CLEC19A: variants seen among roughly 807,000 people sequenced by gnomAD.
CLEC19A encodes the protein C-type lectin domain family 19 member A.
In CLEC19A, 21 loss-of-function variants were observed where a neutral mutation model predicts 26.1. The observed-to-expected ratio is 0.80, with a 90% CI of 0.57 to 1.16. CLEC19A has a LOEUF of 1.16. Among genes scored for constraint, CLEC19A ranks in the 50% most tolerant of loss-of-function variants. The pLI is 0.00. For synonymous variants in CLEC19A, 89 were observed against 88.6 expected (o/e 1.00, Z -0.03); for missense variants, 224 against 227.6 (o/e 0.98, Z 0.10).
intron 1 of CLEC19A, among the ~76,000 whole-genome samples, chr16:19,298,449 C>T (rs1055932124): frequency 1.3e-5 from 2 of 151,982 alleles, no homozygotes; most frequent in African/African-American, 4.8e-5. Context: ...CACCTGTGGT[C>T]CCAGCTACTC....
At chr16:19,304,991 TACCCCTGA>T (rs1268707983) in intron 3 of CLEC19A, 1 of 152,326 alleles carries the variant, frequency 6.6e-6, no homozygotes, top group East Asian at 1.9e-4. Context: ...CCAGCACCAT[TACCCCTGA>T]CATGCTGAGT....
intron 4 of CLEC19A, among the ~76,000 whole-genome samples, chr16:19,308,564 C>G (rs1203301699): frequency 6.6e-6 from 1 of 152,188 alleles, no homozygotes; most frequent in African/African-American, 2.4e-5. Flanking sequence ...ATGAGGAAAA[C>G]GAGGCTCAGA....
chr16:19,302,652 C>A (rs1009307256), intron 2 of CLEC19A, among the ~76,000 whole-genome samples: 1 of 152,172 alleles, frequency 6.6e-6, no homozygotes, highest in African/African-American at 2.4e-5. Context: ...TCAGTGGGAT[C>A]TGTCATCTGG....
chr16:19,301,743 T>TTTTG (rs1897832512), intron 2 of CLEC19A, among the ~76,000 whole-genome samples: 2 of 114,596 alleles, frequency 1.7e-5, no homozygotes, highest in African/African-American at 4.0e-5. Flanking sequence ...TTGGTTTTTT[T>TTTTG]TTTTTTTTTT....
chr16:19,304,181 C>T, intron 3 of CLEC19A, 26 bp downstream of exon 3: 1 of 1,527,702 alleles, frequency 6.5e-7, no homozygotes, highest in Non-Finnish European at 8.9e-7. Flanking sequence ...CCATTGGGCC[C>T]CCTTGGAAGC....
At chr16:19,307,770 C>A in intron 4 of CLEC19A, 93 bp downstream of exon 4, 3 of 1,482,076 alleles carry the variant, frequency 2.0e-6, no homozygotes, top group Non-Finnish European at 2.7e-6. Flanking sequence ...AAGAGGAGCA[C>A]CTGATGGCCT....
At chr16:19,293,073 G>A (rs1425241707) in intron 1 of CLEC19A, among the ~76,000 whole-genome samples, 1 of 152,182 alleles carries the variant, frequency 6.6e-6, no homozygotes, top group Non-Finnish European at 1.5e-5. Flanking sequence ...AATTAGAGAC[G>A]TGTTTAGGAG....
At chr16:19,298,978 GC>G in intron 2 of CLEC19A, 140 bp downstream of exon 2, 1 of 948,870 alleles carries the variant, frequency 1.1e-6, no homozygotes, top group Non-Finnish European at 1.5e-6. Flanking sequence ...TTGCTATGTT[GC>G]CCAGGCCACT....
chr16:19,290,822 T>C (rs1344998024), intron 1 of CLEC19A, among the ~76,000 whole-genome samples: 1 of 87,010 alleles, frequency 1.1e-5, no homozygotes, highest in Non-Finnish European at 2.1e-5. Context: ...TCTTTATTTT[T>C]GCTCCTTTTT....
At chr16:19,305,758 T>C (rs943006808) in intron 3 of CLEC19A, among the ~76,000 whole-genome samples, 2 of 152,218 alleles carry the variant, frequency 1.3e-5, no homozygotes, top group African/African-American at 2.4e-5. Context: ...TAGGAACTCA[T>C]TAAGGATGAT....
chr16:19,307,334 A>G (rs1250062284), intron 3 of CLEC19A, among the ~76,000 whole-genome samples: 1 of 152,226 alleles, frequency 6.6e-6, no homozygotes, highest in Non-Finnish European at 1.5e-5. Flanking sequence ...GGCACATAAT[A>G]AGCCCTCAAC....
chr16:19,286,969 A>G (rs959420649), intron 1 of CLEC19A, among the ~76,000 whole-genome samples: 1 of 151,958 alleles, frequency 6.6e-6, no homozygotes, highest in Non-Finnish European at 1.5e-5. Flanking sequence ...ACGTATTTAT[A>G]CTAAAAATTA....
chr16:19,297,901 A>G (rs1897737699), intron 1 of CLEC19A, among the ~76,000 whole-genome samples: 1 of 152,164 alleles, frequency 6.6e-6, no homozygotes, highest in Admixed American at 6.5e-5. Context: ...TTGGACCTCA[A>G]GCATAGAATT....
In CLEC19A at chr16:19,298,614, A is replaced by T. The variant is rs1219493083; in HGVS notation, c.89-59A>T. On this transcript the variant is annotated intron_variant, in intron 1 of 4. Coordinates refer to ENST00000636231, the MANE Select transcript of CLEC19A (RefSeq NM_001256720.2). ...AAGAAAAGAAAATAGGTTCTAAGCT[A>T]TGGAAACAATGTCAGCACTGCCAAC... 3 of 1,493,618 alleles carry T rather than the reference A, an allele frequency of 2.0e-6. No homozygotes were observed. In the Admixed American group the frequency reaches 6.3e-5, roughly 31 times the overall value. The allele number at this position is 1,493,618 out of a possible 1,614,324, so 92.5% of individuals were successfully genotyped here. A position where few individuals can be genotyped will look rare whatever the true frequency, so the allele number is the denominator to read the frequency against.
At chr16:19,293,409 G>T (rs1021155762) in intron 1 of CLEC19A, among the ~76,000 whole-genome samples, 1 of 151,992 alleles carries the variant, frequency 6.6e-6, no homozygotes. Flanking sequence ...CTGGGTGAAC[G>T]GTATACAGGA....
intron 2 of CLEC19A, among the ~76,000 whole-genome samples, chr16:19,301,735 G>GTTTTTTTTTTTTTTTTTTTTTT (rs750529291): frequency 2.8e-5 from 1 of 35,124 alleles, no homozygotes; most frequent in Non-Finnish European, 5.1e-5. Context: ...AGGTTTTTTT[G>GTTTTTTTTTTTTTTTTTTTTTT]GTTTTTTTTT....
At chr16:19,300,369 C>T (rs1482915004) in intron 2 of CLEC19A, among the ~76,000 whole-genome samples, 1 of 151,634 alleles carries the variant, frequency 6.6e-6, no homozygotes, top group African/African-American at 2.4e-5. Context: ...GGCAACACAG[C>T]AAGACCCCAT....
At chr16:19,291,493 G>C (rs1025683775) in intron 1 of CLEC19A, among the ~76,000 whole-genome samples, 1 of 152,146 alleles carries the variant, frequency 6.6e-6, no homozygotes, top group African/African-American at 2.4e-5. Flanking sequence ...GCACCTACCT[G>C]GTAGGATGTG....
Position 19,304,600 on chromosome 16 carries a change from C to T in CLEC19A, c.348+445C>T, listed in dbSNP as rs113805081. On this transcript the variant is annotated intron_variant, in intron 3 of 4. Transcript: ENST00000636231. ...CCTGTAATCCTAGCTACTCAGGAGGCTGAGGCAGGAGAATTGCTTGAACCC... is the reference window on the plus strand; with the variant it reads ...CCTGTAATCCTAGCTACTCAGGAGGTTGAGGCAGGAGAATTGCTTGAACCC... 3.4e-3 allele frequency among the ~76,000 whole-genome samples: 513 copies of T among 151,826 alleles called. 1 individual carries two copies. Among genetic ancestry groups the T allele is most frequent in the African/African-American group, 0.012 (491 of 41,364 alleles).
Sources: allele counts gnomAD v4.1 joint callset (sites outside exome capture counted in the v4.1 genomes callset), GRCh38; gene constraint gnomAD v4.1.1; transcripts MANE v1.5; gene names NCBI Gene and HGNC (gene_info 2026-07-23, HGNC 2026-07-21).